The following NEBL variants were observed in gnomAD, a reference collection of about 807,000 sequenced individuals.
The protein encoded by NEBL is LIM and SH3 protein 2.
Under a neutral mutation model 140.2 loss-of-function variants are expected in NEBL, and 122 were observed. The ratio of observed to expected loss-of-function variants is 0.87; its 90% CI spans 0.75 to 1.01. The LOEUF (loss-of-function observed/expected upper bound fraction) is 1.01, where lower values mean the gene tolerates loss of function less well. Ranked by LOEUF, NEBL falls within the 50% of genes least tolerant of loss-of-function variation. The pLI, the probability that NEBL is intolerant of heterozygous loss-of-function variation, is 0.00. For missense variants in NEBL, 1,365 were observed against 1,231.3 expected, an observed-to-expected ratio of 1.11 and a Z score of -1.62; for synonymous variants, 436 against 398.9, an observed-to-expected ratio of 1.09 and a Z score of -1.11.
At chr10:20,849,387 T>C (rs1842284490) in intron 11 of NEBL, among the ~76,000 whole-genome samples, 1 of 152,202 alleles carries the variant, frequency 6.6e-6, no homozygotes, top group South Asian at 2.1e-4. Flanking sequence ...GCTTTGAATG[T>C]GTCCCTTCAA....
At chr10:20,842,190 T>C (rs1391344149) in intron 12 of NEBL, among the ~76,000 whole-genome samples, 1 of 152,060 alleles carries the variant, frequency 6.6e-6, no homozygotes, top group Non-Finnish European at 1.5e-5. Flanking sequence ...GCTCAACTAA[T>C]AGCTTACTAG....
chr10:21,056,711 T>C (rs1026386018), intron 2 of NEBL, among the ~76,000 whole-genome samples: 3 of 152,192 alleles, frequency 2.0e-5, no homozygotes, highest in Admixed American at 6.5e-5. Context: ...CAGTGATGGA[T>C]TGCAACATTA....
At chr10:20,939,438 G>A (rs1001416904) in intron 4 of NEBL, among the ~76,000 whole-genome samples, 8 of 152,202 alleles carry the variant, frequency 5.3e-5, no homozygotes, top group South Asian at 4.1e-4. Context: ...AAGGAAGCAC[G>A]AAACTTGGAA....
chr10:21,076,677 A>G (rs183742909), intron 2 of NEBL, among the ~76,000 whole-genome samples: 2 of 152,300 alleles, frequency 1.3e-5, no homozygotes, highest in Non-Finnish European at 2.9e-5. Context: ...CTACTATTCA[A>G]CCTTAAAAAG....
intron 19 of NEBL, among the ~76,000 whole-genome samples, chr10:20,820,820 A>T (rs561515937): frequency 6.6e-6 from 1 of 152,098 alleles, no homozygotes; most frequent in Admixed American, 6.6e-5. Context: ...GTAAGACTCT[A>T]TCTCAAAAAA....
intron 2 of NEBL, among the ~76,000 whole-genome samples, chr10:21,140,047 G>C (rs1192186004): frequency 6.6e-6 from 1 of 151,534 alleles, no homozygotes; most frequent in East Asian, 1.9e-4. Context: ...TGTAATCCCA[G>C]CTACTCTGGA....
chr10:21,277,044 A>G (rs1842933312), intron 1 of NEBL, among the ~76,000 whole-genome samples: 2 of 151,886 alleles, frequency 1.3e-5, no homozygotes, highest in Non-Finnish European at 2.9e-5. Flanking sequence ...TAGAAGGTTC[A>G]CTTGAGCCCA....
At chr10:20,833,024 C>T (rs1840563734) in intron 14 of NEBL, among the ~76,000 whole-genome samples, 1 of 152,102 alleles carries the variant, frequency 6.6e-6, no homozygotes, top group African/African-American at 2.4e-5. Context: ...CAGACAGCCA[C>T]CAAGGTCTGA....
intron 2 of NEBL, among the ~76,000 whole-genome samples, chr10:21,164,731 G>T (rs1840693577): frequency 6.6e-6 from 1 of 152,144 alleles, no homozygotes; most frequent in Non-Finnish European, 1.5e-5. Context: ...GTTGCCAACG[G>T]TCCAATACGG....
Position 20,831,235 on chromosome 10 carries a change from A to G in NEBL, c.1632T>C (p.Asp544=), listed in dbSNP as rs1308048675. ...CAGATGTCCTCTTGGCTCGAAGGAT[A>G]TCTGGGATATCCATGCTCACTTGCA... ...KGMQVSMDIP[D]ILRAKRTSEI... The change falls in exon 16 of 28, where the codon GAT becomes GAC. Residue 544 remains aspartate, a synonymous_variant. Transcript: ENST00000377122. 10 of 1,613,582 alleles carry G rather than the reference A, an allele frequency of 6.2e-6. No homozygotes were observed. The Admixed American group carries it at 1.5e-4, about 24-fold the overall frequency.
intron 4 of NEBL, among the ~76,000 whole-genome samples, chr10:20,906,258 A>G (rs1190790125): frequency 1.3e-5 from 2 of 152,160 alleles, no homozygotes; most frequent in Admixed American, 6.5e-5. Context: ...TAAACAAGTG[A>G]TGTCAATGTT....
intron 13 of NEBL, among the ~76,000 whole-genome samples, chr10:20,840,490 A>G (rs1305517022): frequency 3.9e-5 from 6 of 152,116 alleles, no homozygotes; most frequent in Non-Finnish European, 2.9e-5. Context: ...ATGAAGTTAA[A>G]TCTCATTAAA....
intron 2 of NEBL, among the ~76,000 whole-genome samples, chr10:21,139,748 C>T (rs1839525559): frequency 6.6e-6 from 1 of 152,074 alleles, no homozygotes; most frequent in Non-Finnish European, 1.5e-5. Context: ...TCTTGGCAAC[C>T]TTGGGAAGGT....
chr10:21,103,246 T>C (rs1390891029), intron 2 of NEBL, among the ~76,000 whole-genome samples: 1 of 149,182 alleles, frequency 6.7e-6, no homozygotes, highest in Admixed American at 6.7e-5. Context: ...GGAGTCTCAC[T>C]CTGTTGCCCA....
intron 20 of NEBL, chr10:20,819,174 C>A: frequency 1.2e-6 from 1 of 852,978 alleles, no homozygotes; most frequent in Non-Finnish European, 1.7e-6. Context: ...CGGCATTAAG[C>A]CCAGTACTCA....
intron 2 of NEBL, among the ~76,000 whole-genome samples, chr10:21,158,471 A>C (rs1840421705): frequency 2.0e-5 from 3 of 152,256 alleles, no homozygotes; most frequent in Admixed American, 2.0e-4. Context: ...CCCATTTTGC[A>C]GATGGGATAA....
intron 24 of NEBL, among the ~76,000 whole-genome samples, chr10:20,810,165 C>T (rs986253751): frequency 7.9e-5 from 12 of 152,134 alleles, no homozygotes; most frequent in Admixed American, 6.5e-4. Context: ...TCAGACCTTG[C>T]TGAAGTACCT....
intron 3 of NEBL, among the ~76,000 whole-genome samples, chr10:20,976,067 G>T (rs956904079): frequency 3.9e-5 from 6 of 152,070 alleles, no homozygotes; most frequent in African/African-American, 1.2e-4. Flanking sequence ...GGGTATGGTG[G>T]CTCACACCTG....
chr10:21,172,434 G>A (rs1417845141), exon 2 of NEBL: 4 of 1,613,056 alleles, frequency 2.5e-6, no homozygotes, highest in Non-Finnish European at 3.4e-6. Flanking sequence ...CATGTTGAGT[G>A]CCATCTTGCA....
Sources: allele counts gnomAD v4.1 joint callset (sites outside exome capture counted in the v4.1 genomes callset), GRCh38; gene constraint gnomAD v4.1.1; transcripts MANE v1.5; gene names NCBI Gene and HGNC (gene_info 2026-07-23, HGNC 2026-07-21).